The following TNNI3K variants were observed in gnomAD, a reference collection of about 807,000 sequenced individuals.
TNNI3K encodes the protein serine/threonine-protein kinase TNNI3K.
In TNNI3K, 140 loss-of-function variants were observed where a neutral mutation model predicts 114.5. The observed-to-expected ratio is 1.22, with a 90% confidence interval of 1.07 to 1.41. TNNI3K has a LOEUF of 1.41. TNNI3K is among the 40% of genes most tolerant of loss of function. The pLI is 0.00. For synonymous variants in TNNI3K, 347 were observed against 347.5 expected, an observed-to-expected ratio of 1.00 and a Z score of 0.02; for missense variants, 1,125 against 1,007.6, an observed-to-expected ratio of 1.12 and a Z score of -1.58.
At chr1:74,447,117 T>C (rs1255772350) in intron 20 of TNNI3K, among the ~76,000 whole-genome samples, 2 of 151,552 alleles carry the variant, frequency 1.3e-5, no homozygotes, top group Non-Finnish European at 2.9e-5. Context: ...ATTGAATCTG[T>C]AAATTACTTT....
chr1:74,334,381 T>C (rs556902415), intron 6 of TNNI3K, among the ~76,000 whole-genome samples: 8 of 152,310 alleles, frequency 5.3e-5, no homozygotes, highest in Admixed American at 3.3e-4. Flanking sequence ...AAAATAGTTT[T>C]AGAGCTTGAA....
chr1:74,400,779 T>G (rs1664318927), intron 17 of TNNI3K, among the ~76,000 whole-genome samples: 1 of 152,162 alleles, frequency 6.6e-6, no homozygotes, highest in African/African-American at 2.4e-5. Flanking sequence ...AGGCAACTAC[T>G]TGACTCTTCA....
At chr1:74,439,379 C>A in intron 19 of TNNI3K, 111 bp from the exon 20 acceptor site, 1 of 1,490,996 alleles carries the variant, frequency 6.7e-7, no homozygotes, top group African/African-American at 1.4e-5. Context: ...ATATTTATGC[C>A]TTTTGAGAGC....
chr1:74,478,414 A>G (rs1043456618), intron 21 of TNNI3K, among the ~76,000 whole-genome samples: 1 of 152,232 alleles, frequency 6.6e-6, no homozygotes, highest in African/African-American at 2.4e-5. Context: ...TCTCAATACT[A>G]ATAAAGAACT....
chr1:74,475,545 A>G (rs1406110652), intron 21 of TNNI3K: 1 of 717,456 alleles, frequency 1.4e-6, no homozygotes, highest in Non-Finnish European at 2.6e-6. Flanking sequence ...TTGCAGACTC[A>G]GAGGCCGATG....
Position 74,262,541 on chromosome 1 carries a change from GA to G in TNNI3K, c.334-9047del, listed in dbSNP as rs45482796. Among the ~76,000 whole-genome samples, 601 of 137,504 alleles carry G rather than the reference GA, an allele frequency of 4.4e-3. 6 individuals carry two copies. The highest frequency in any genetic ancestry group is 0.015 in the African/African-American group (549 of 37,450). The allele number at this position is 137,504 out of a possible 152,430, so 90.2% of individuals were successfully genotyped here. ...AGATAGTAATAAGAAATAATTTGAA[GA>G]AAAAAAAAACTCAAAAAAAAAAGAA... On this transcript the variant is annotated intron_variant, in intron 4 of 24. Coordinates refer to ENST00000326637, the MANE Select transcript of TNNI3K (RefSeq NM_015978.3).
intron 9 of TNNI3K, among the ~76,000 whole-genome samples, chr1:74,348,186 G>T (rs925350666): frequency 3.9e-5 from 6 of 152,170 alleles, no homozygotes; most frequent in Non-Finnish European, 8.8e-5. Context: ...AAGGTGTAAG[G>T]AAGGGATCCA....
chr1:74,295,164 G>A (rs61776173), intron 5 of TNNI3K, among the ~76,000 whole-genome samples: 1 of 69,576 alleles, frequency 1.4e-5, no homozygotes, highest in Non-Finnish European at 2.7e-5. Flanking sequence ...CAAACATTTT[G>A]ACAGTTACTA....
At chr1:74,272,342 ATAAT>A in intron 5 of TNNI3K, among the ~76,000 whole-genome samples, 1 of 152,096 alleles carries the variant, frequency 6.6e-6, no homozygotes, top group African/African-American at 2.4e-5. Flanking sequence ...TACCATAAAA[ATAAT>A]AAAGTGAGGT....
chr1:74,421,441 T>A (rs1164859180), intron 17 of TNNI3K, among the ~76,000 whole-genome samples: 2 of 152,090 alleles, frequency 1.3e-5, no homozygotes, highest in African/African-American at 2.4e-5. Flanking sequence ...AGGTAGCTCT[T>A]AGAGATAAGA....
rs145381941 is a variant in TNNI3K, at chr1:74,240,060, C to T, written c.149+3850C>T. 528 of 428,528 alleles carry T rather than the reference C, an allele frequency of 1.2e-3. 2 individuals are homozygous for T. The highest frequency in any genetic ancestry group is 9.8e-3 in the African/African-American group (478 of 48,638). The allele number at this position is 428,528 out of a possible 1,614,324, so 26.5% of individuals were successfully genotyped here. A position where few individuals can be genotyped will look rare whatever the true frequency, so the allele number is the denominator to read the frequency against. On this transcript the variant is annotated intron_variant, in intron 2 of 24. Coordinates refer to ENST00000326637, the MANE Select transcript of TNNI3K (RefSeq NM_015978.3). ...TACCATTGTCTGATTATATCCTCCT[C>T]TGTGCTGCCTCTAATCTTTATCAAC...
chr1:74,327,914 A>G (rs1011800219), intron 5 of TNNI3K, among the ~76,000 whole-genome samples: 2 of 151,354 alleles, frequency 1.3e-5, no homozygotes, highest in Admixed American at 6.6e-5. Context: ...AATCATGACC[A>G]TATAGTCTCA....
At chr1:74,350,835 C>T (rs1355334707) in intron 9 of TNNI3K, among the ~76,000 whole-genome samples, 1 of 152,078 alleles carries the variant, frequency 6.6e-6, no homozygotes, top group Non-Finnish European at 1.5e-5. Flanking sequence ...CTTCCTCCAT[C>T]CCTTTATTTT....
chr1:74,459,826 T>C (rs1667373563), intron 20 of TNNI3K, among the ~76,000 whole-genome samples: 1 of 152,184 alleles, frequency 6.6e-6, no homozygotes, highest in Non-Finnish European at 1.5e-5. Context: ...AGAAGTTGAA[T>C]CCACAAATTG....
At chr1:74,486,936 A>T (rs190973940) in intron 21 of TNNI3K, among the ~76,000 whole-genome samples, 5 of 152,316 alleles carry the variant, frequency 3.3e-5, no homozygotes, top group Admixed American at 3.3e-4. Flanking sequence ...TGAATTTAGC[A>T]ATGAGATCTT....
chr1:74,468,801 A>G (rs1667784245), intron 21 of TNNI3K, among the ~76,000 whole-genome samples: 1 of 152,122 alleles, frequency 6.6e-6, no homozygotes, highest in African/African-American at 2.4e-5. Flanking sequence ...CCCTACTAAA[A>G]AATGTAAAAT....
At chr1:74,260,249 C>T (rs551682779) in intron 4 of TNNI3K, among the ~76,000 whole-genome samples, 43 of 152,226 alleles carry the variant, frequency 2.8e-4, no homozygotes, top group South Asian at 4.1e-4. Context: ...GAACTTTGGA[C>T]ACTGGGACTA....
chr1:74,369,624 G>T, intron 16 of TNNI3K, 39 bp downstream of exon 16: 1 of 1,525,298 alleles, frequency 6.6e-7, no homozygotes, highest in African/African-American at 1.4e-5. Flanking sequence ...TGGACATTCC[G>T]TAGAAACTAC....
At chr1:74,477,383 T>A (rs1326681353) in intron 21 of TNNI3K, among the ~76,000 whole-genome samples, 1 of 152,156 alleles carries the variant, frequency 6.6e-6, no homozygotes, top group Non-Finnish European at 1.5e-5. Context: ...CAGTGAATGT[T>A]CATTGTGATT....
Sources: allele counts gnomAD v4.1 joint callset (sites outside exome capture counted in the v4.1 genomes callset), GRCh38; gene constraint gnomAD v4.1.1; transcripts MANE v1.5; gene names NCBI Gene and HGNC (gene_info 2026-07-23, HGNC 2026-07-21).